The following PGAM2 variants were observed in gnomAD, a reference collection of about 807,000 sequenced individuals.
PGAM2 encodes phosphoglycerate mutase 2, also known as BPG-dependent PGAM 2.
In PGAM2, 23 loss-of-function variants were observed where a neutral mutation model predicts 22.5. The observed-to-expected ratio is 1.02, with a 90% CI of 0.74 to 1.45. PGAM2 has a LOEUF of 1.45. Ranked by LOEUF, PGAM2 falls within the 40% of genes most tolerant of loss-of-function variation. The pLI is 0.00. For synonymous variants in PGAM2, 133 were observed against 138.6 expected (o/e 0.96, Z 0.29); for missense variants, 349 against 356.2 (o/e 0.98, Z 0.16).
chr7:44,062,975 C>CT (rs767735812), intron 2 of PGAM2, 45 bp from the exon 3 acceptor site: 3 of 1,598,588 alleles, frequency 1.9e-6, no homozygotes, highest in Non-Finnish European at 2.6e-6. Context: ...TGTCCCCAGC[C>CT]TGTTTACACA....
In PGAM2 at chr7:44,062,812, C is replaced by T. The variant is rs747672660; in HGVS notation, c.714G>A (p.Thr238=). ...KPMQFLGDEE[T]VRKAMEAVAA... The stretch of plus-strand genomic sequence containing the variant: ...CCACAGCCTCCATGGCCTTCCGCAC[C>T]GTTTCCTCATCACCCAGGAACTGCA... Residue 238 remains threonine (T), a synonymous_variant, in exon 3 of 3, where the codon ACG becomes ACA. Transcript: ENST00000297283. The T allele has an allele frequency of 6.8e-6, 11 of 1,614,094 alleles. No individual in the cohort carries two copies. The highest frequency in any genetic ancestry group is 6.7e-5 in the East Asian group (3 of 44,890).
intron 2 of PGAM2, 197 bp downstream of exon 2, chr7:44,064,635 A>C: frequency 1.6e-6 from 1 of 616,496 alleles, no homozygotes; most frequent in Non-Finnish European, 2.9e-6. Flanking sequence ...GCCCCTGTGG[A>C]GTGTGTCCCA....
rs2096152394 is a variant in PGAM2, at chr7:44,063,199, C to A, written c.596-269G>T. The A allele has an allele frequency of 7.0e-5, 36 of 515,474 alleles. 1 individual carries two copies. Among genetic ancestry groups the A allele is most frequent in the Middle Eastern group, 5.3e-4 (1 of 1,872 alleles). 31.9% of individuals were successfully genotyped at this position (515,474 alleles called of 1,614,324 possible). The stretch of plus-strand genomic sequence containing the variant: ...ATCTGTGGTGGTGCTGTCCATAGTT[C>A]CCTCAGCCCAGTGTGACTCCAGCCA... On this transcript the variant is annotated intron_variant, in intron 2 of 2. Transcript: ENST00000297283.
intron 2 of PGAM2, chr7:44,064,393 G>A: frequency 4.3e-6 from 1 of 231,692 alleles, no homozygotes; most frequent in South Asian, 5.5e-5. Context: ...GCCCTGCGAG[G>A]GGTCCAAGCC....
chr7:44,064,799 C>CCCCCCAGCCCACGCTCCAGAAAGTGGCCA, intron 2 of PGAM2, 33 bp downstream of exon 2: 1 of 1,212,908 alleles, frequency 8.2e-7, no homozygotes. Context: ...TGCTGCCCAC[C>CCCCCCAGCCCACGCTCCAGAAAGTGGCCA]CACCCTGCCC....
chr7:44,064,072 C>T (rs2096154399), intron 2 of PGAM2: 2 of 152,560 alleles, frequency 1.3e-5, no homozygotes, highest in African/African-American at 2.4e-5. Context: ...ACCCTTCTAG[C>T]CTTTCCAGGA....
chr7:44,065,249 C>A lies in PGAM2; in HGVS notation c.281G>T (p.Gly94Val), dbSNP rs1438105988. The change falls in exon 1 of 3, where the codon GGC (glycine) becomes GTC (valine). Residue 94 changes from glycine to valine, a missense_variant. Transcript: ENST00000297283. ...TTCTGCCTTGTTGAGGCCTGTGAGGCCCCCGTAATGCCGCTCATTGAGGCG... is the reference window on the plus strand; with the variant it reads ...TTCTGCCTTGTTGAGGCCTGTGAGGACCCCGTAATGCCGCTCATTGAGGCG... ...TWRLNERHYG[G>V]LTGLNKAETA... 6.2e-7 allele frequency: 1 copy of A among 1,613,818 alleles called. No individual in the cohort carries two copies. Among genetic ancestry groups the A allele is most frequent in the East Asian group, 2.2e-5 (1 of 44,886 alleles).
chr7:44,064,818 G>A lies in PGAM2; in HGVS notation c.595+14C>T, dbSNP rs750465727. 7.5e-7 allele frequency: 1 copy of A among 1,326,932 alleles called. No homozygotes were observed. Among genetic ancestry groups the A allele is most frequent in the African/African-American group, 1.5e-5 (1 of 68,302 alleles). The allele number at this position is 1,326,932 out of a possible 1,614,324, so 82.2% of individuals were successfully genotyped here. A position where few individuals can be genotyped will look rare whatever the true frequency, so the allele number is the denominator to read the frequency against. The stretch of plus-strand genomic sequence containing the variant: ...GCCCACCCACCCTGCCCAGGCTCCT[G>A]AAGGTGGCCTCACCTTCCAGGTGCT... On this transcript the variant is annotated intron_variant, in intron 2 of 2. Coordinates refer to ENST00000297283, the MANE Select transcript of PGAM2 (RefSeq NM_000290.4).
In PGAM2 at chr7:44,065,502, G is replaced by A. The variant is rs529371882; in HGVS notation, c.28C>T (p.Arg10Trp). The A allele has an allele frequency of 1.6e-4, 266 of 1,613,890 alleles. 1 individual carries two copies. Among genetic ancestry groups the A allele is most frequent in the Non-Finnish European group, 2.1e-4 (250 of 1,180,036 alleles). MATHRLVMV[R>W]HGESTWNQEN... ...TGGTTCCATGTGCTCTCGCCGTGCCGGACCATCACGAGGCGGTGAGTGGCC... is the reference window on the plus strand; with the variant it reads ...TGGTTCCATGTGCTCTCGCCGTGCCAGACCATCACGAGGCGGTGAGTGGCC... Residue 10 changes from arginine (R) to tryptophan (W), a missense_variant, in exon 1 of 3, where the codon CGG becomes TGG. Arg to Trp is a moderately radical substitution (Grantham distance 101, BLOSUM62 -3). Coordinates refer to ENST00000297283, the MANE Select transcript of PGAM2 (RefSeq NM_000290.4).
rs1562659986 is a variant in PGAM2 at position 44,062,860 on chromosome 7, CTTGTTCAGCTCA to C, written c.654_665del (p.Tyr218_Lys222delinsTer). 6.2e-7 allele frequency: 1 copy of C among 1,614,242 alleles called. No individual in the cohort carries two copies. The highest frequency in any genetic ancestry group is 8.5e-7 in the Non-Finnish European group (1 of 1,180,044). The stretch of plus-strand genomic sequence containing the variant: ...GCATGGGCTTGGTGGGCTTCAGCTC[CTTGTTCAGCTCA>C]TACACAATGGGGATCCCCGTGGGCA... On this transcript the variant is annotated stop_gained and inframe_deletion, in exon 3 of 3. Transcript: ENST00000297283. LOFTEE classifies it high-confidence loss of function.
rs201126185 is a variant in PGAM2 at position 44,062,828 on chromosome 7, A to C, written c.698T>G (p.Leu233Arg). The change falls in exon 3 of 3, where the codon CTG (leucine) becomes CGG (arginine). Residue 233 changes from leucine to arginine, a missense_variant. Transcript: ENST00000297283. ...ELKPTKPMQFLGDEETVRKAM... is the reference protein window; with the variant it reads ...ELKPTKPMQFRGDEETVRKAM... Reference sequence around the variant, plus strand: ...CTTCCGCACCGTTTCCTCATCACCCAGGAACTGCATGGGCTTGGTGGGCTT... The same window carrying C: ...CTTCCGCACCGTTTCCTCATCACCCCGGAACTGCATGGGCTTGGTGGGCTT... 6.2e-7 allele frequency: 1 copy of C among 1,614,168 alleles called. No individual in the cohort carries two copies. Among genetic ancestry groups the C allele is most frequent in the African/African-American group, 1.3e-5 (1 of 75,052 alleles).
chr7:44,063,488 C>T (rs2096153097), intron 2 of PGAM2: 1 of 184,344 alleles, frequency 5.4e-6, no homozygotes, highest in Non-Finnish European at 1.2e-5. Flanking sequence ...CCATGTTGGT[C>T]AGGCTGGTCT....
intron 2 of PGAM2, 112 bp from the exon 3 acceptor site, chr7:44,063,042 T>C (rs2096152194): frequency 1.8e-6 from 2 of 1,142,368 alleles, no homozygotes; most frequent in African/African-American, 3.0e-5. Context: ...CACCAATTCC[T>C]TCCCAGCCCT....
At chr7:44,064,720 G>T in intron 2 of PGAM2, 112 bp downstream of exon 2, 1 of 932,802 alleles carries the variant, frequency 1.1e-6, no homozygotes, top group Non-Finnish European at 1.7e-6. Context: ...TGAATGATGT[G>T]GAGCCCCACG....
At position 44,064,697 on chromosome 7, in the gene PGAM2, C is replaced by A; in HGVS notation, c.595+135G>T. 5 of 802,446 alleles carry A rather than the reference C, an allele frequency of 6.2e-6. No individual in the cohort carries two copies. In the South Asian group the frequency reaches 6.3e-5, roughly 10 times the overall value. 49.7% of individuals were successfully genotyped at this position (802,446 alleles called of 1,614,324 possible). A position where few individuals can be genotyped will look rare whatever the true frequency, so the allele number is the denominator to read the frequency against. ...CAAAACTAAAAAATGGCTTCTCAGC[C>A]CTCCTTTTTCAGTGAATGATGTGGA... is the stretch of plus-strand genomic sequence containing the variant. On this transcript the variant is annotated intron_variant, in intron 2 of 2. Coordinates refer to ENST00000297283, the MANE Select transcript of PGAM2 (RefSeq NM_000290.4).
intron 2 of PGAM2, 123 bp from the exon 3 acceptor site, chr7:44,063,053 G>T: frequency 9.6e-7 from 1 of 1,037,926 alleles, no homozygotes; most frequent in Non-Finnish European, 1.5e-6. Context: ...TCCCAGCCCT[G>T]AGAACGAGGC....
At chr7:44,063,049 C>T in intron 2 of PGAM2, 119 bp from the exon 3 acceptor site, 2 of 1,088,970 alleles carry the variant, frequency 1.8e-6, no homozygotes, top group South Asian at 2.6e-5. Context: ...TCCTTCCCAG[C>T]CCTGAGAACG....
chr7:44,064,808 C>CCCCGCGA, intron 2 of PGAM2, 24 bp downstream of exon 2: 1 of 1,553,294 alleles, frequency 6.4e-7, no homozygotes, highest in Non-Finnish European at 8.8e-7. Context: ...CCCACCCTGC[C>CCCCGCGA]CAGGCTCCTG....
Position 44,065,441 on chromosome 7 carries a change from A to G in PGAM2, c.89T>C (p.Leu30Pro). Residue 30 changes from leucine to proline, a missense_variant, in exon 1 of 3, where the codon CTG (leucine) becomes CCG (proline). Physicochemically the swap from Leu to Pro is moderately conservative, Grantham distance 98. Transcript: ENST00000297283. The stretch of plus-strand genomic sequence containing the variant: ...GGCCTCCTCGGTCCCCTTTTCACTC[A>G]GCTCTGCATCGAACCAGCCACAGAA... ...NRFCGWFDAE[L>P]SEKGTEEAKR... 1 of 1,614,008 alleles carries G rather than the reference A, an allele frequency of 6.2e-7. No homozygotes were observed.
Sources: gnomAD v4.1 joint callset for allele counts on GRCh38, gnomAD v4.1.1 for gene constraint, MANE v1.5 for transcripts, NCBI Gene and HGNC (gene_info 2026-07-23, HGNC 2026-07-21) for gene names.